Variants in SMPD3 observed in about 807,000 individuals in gnomAD.
The protein encoded by SMPD3 is nSMase-2.
In SMPD3, 21 loss-of-function variants were observed where a neutral mutation model predicts 55.7. That is an observed-to-expected ratio of 0.38 (90% CI 0.27 to 0.54). The LOEUF is 0.54. Ranked by LOEUF, SMPD3 falls within the 20% of genes least tolerant of loss-of-function variation. The probability of loss-of-function intolerance (pLI) is 0.80; values close to 1 mark genes in which losing one functional copy is unlikely to be tolerated. For missense variants in SMPD3, 842 were observed against 899.6 expected, an observed-to-expected ratio of 0.94 and a Z score of 0.82; for synonymous variants, 457 against 404.3, an observed-to-expected ratio of 1.13 and a Z score of -1.56.
chr16:68,389,784 A>G (rs968115124), intron 1 of SMPD3, among the ~76,000 whole-genome samples: 2 of 152,180 alleles, frequency 1.3e-5, no homozygotes, highest in African/African-American at 4.8e-5. Context: ...CCTTGGGGAA[A>G]AATCTTGACT....
intron 2 of SMPD3, among the ~76,000 whole-genome samples, chr16:68,383,589 C>T (rs186240224): frequency 6.6e-6 from 1 of 152,122 alleles, no homozygotes. Context: ...TCTCAGGGCC[C>T]TTGGAGGATC....
In SMPD3 at chr16:68,371,669, G is replaced by T. The variant is rs142905882; in HGVS notation, c.513C>A (p.Ile171=). ...GAARPQIKIY[I]DSPTNTSISA... Reference sequence around the variant, plus strand: ...TGATGGAGGTATTGGTGGGGGAGTCGATGTAAATTTTGATCTGGGGCCGGG... The same window carrying T: ...TGATGGAGGTATTGGTGGGGGAGTCTATGTAAATTTTGATCTGGGGCCGGG... Residue 171 remains isoleucine, a synonymous_variant, in exon 3 of 9, where the codon ATC becomes ATA. Coordinates refer to ENST00000219334, the MANE Select transcript of SMPD3 (RefSeq NM_018667.4). The T allele has an allele frequency of 1.1e-5, 17 of 1,567,208 alleles. No individual in the cohort carries two copies. Among genetic ancestry groups the T allele is most frequent in the Non-Finnish European group, 1.4e-5 (16 of 1,157,200 alleles).
In SMPD3 at chr16:68,447,424, TGGGCTAGGGCG is replaced by T. The variant is rs2090618968; in HGVS notation, c.-269+918_-269+928del. On this transcript the variant is annotated intron_variant, in intron 1 of 8. Transcript: ENST00000219334. This position sits in a 1 kb window ranked among gnomAD's most constrained non-coding sequence, Gnocchi z 5.1. ...CAGAGGCTCGGTCCCCGGGGCGTGG[TGGGCTAGGGCG>T]GGTCGTCTCGACTTAGAGCCCCAGG... is the stretch of plus-strand genomic sequence containing the variant. 6.6e-6 allele frequency among the ~76,000 whole-genome samples: 1 copy of T among 152,058 alleles called. No homozygotes were observed. The highest frequency in any genetic ancestry group is 6.5e-5 in the Admixed American group (1 of 15,282).
intron 1 of SMPD3, among the ~76,000 whole-genome samples, chr16:68,414,649 G>A (rs779340294): frequency 6.6e-6 from 1 of 152,258 alleles, no homozygotes; most frequent in Non-Finnish European, 1.5e-5. Context: ...AAGACTTGTA[G>A]GGGAAAGTGC....
chr16:68,443,474 T>C (rs2090584102), intron 1 of SMPD3, among the ~76,000 whole-genome samples: 2 of 152,252 alleles, frequency 1.3e-5, no homozygotes, highest in African/African-American at 4.8e-5. Context: ...ATGTGTACTC[T>C]TTGTCAAATA....
At chr16:68,377,665 G>A (rs2089851061) in intron 2 of SMPD3, among the ~76,000 whole-genome samples, 1 of 152,212 alleles carries the variant, frequency 6.6e-6, no homozygotes, top group African/African-American at 2.4e-5. Flanking sequence ...GGTCCTGTCT[G>A]GACAAGCCAT....
At chr16:68,414,671 T>C (rs2090326026) in intron 1 of SMPD3, among the ~76,000 whole-genome samples, 1 of 152,242 alleles carries the variant, frequency 6.6e-6, no homozygotes, top group Non-Finnish European at 1.5e-5. Flanking sequence ...GGCTCTTGGC[T>C]CTGGCCAACA....
In SMPD3 at chr16:68,361,074, C is replaced by T. The variant is rs556205572; in HGVS notation, c.*132G>A. 856 of 803,004 alleles carry T rather than the reference C, an allele frequency of 1.1e-3. 4 individuals are homozygous for T. Among genetic ancestry groups the T allele is most frequent in the Non-Finnish European group, 7.7e-4 (395 of 512,436 alleles). The allele number at this position is 803,004 out of a possible 1,614,324, so 49.7% of individuals were successfully genotyped here. A position where few individuals can be genotyped will look rare whatever the true frequency, so the allele number is the denominator to read the frequency against. On this transcript the variant is annotated 3_prime_UTR_variant, in exon 9 of 9. Coordinates refer to ENST00000219334, the MANE Select transcript of SMPD3 (RefSeq NM_018667.4). ...CAGAGCAGCGCAGCTTCCAGGTTCC[C>T]GGGCACTGACTGTGGCTCCCTCCCT... is the stretch of plus-strand genomic sequence containing the variant.
chr16:68,398,691 G>C (rs1271227997), intron 1 of SMPD3, among the ~76,000 whole-genome samples: 1 of 152,182 alleles, frequency 6.6e-6, no homozygotes, highest in Non-Finnish European at 1.5e-5. Flanking sequence ...GTTTGCATTA[G>C]TTACATTAAA....
At position 68,371,512 on chromosome 16, in the gene SMPD3, C is replaced by A. The variant is rs1367759729; in HGVS notation, c.670G>T (p.Ala224Ser). The change falls in exon 3 of 9, where the codon GCT (alanine) becomes TCT (serine). Residue 224 changes from alanine to serine, a missense_variant. By Grantham distance (99) the Ala-to-Ser change is moderately conservative. Around this residue, in one of 2 missense-constraint regions of SMPD3, gnomAD observed 649 missense variants for 643.6 expected, o/e 1.01. Coordinates refer to ENST00000219334, the MANE Select transcript of SMPD3 (RefSeq NM_018667.4). ...GDGGRHPGDEAANGPASGDPV... is the reference protein window; with the variant it reads ...GDGGRHPGDESANGPASGDPV... ...TCCCCAGAGGCTGGGCCGTTGGCAG[C>A]CTCGTCACCGGGGTGCCGCCCACCG... The A allele has an allele frequency of 6.3e-7, 1 of 1,599,380 alleles. No individual in the cohort carries two copies. The highest frequency in any genetic ancestry group is 1.3e-5 in the African/African-American group (1 of 74,846).
chr16:68,391,431 TTC>T lies in SMPD3; in HGVS notation c.-268-4774_-268-4773del, dbSNP rs748740182. ...AGACACACTTGGAAAGACTGTGCACTTCAGAGTCCAATCTAGGTTCAAATCTG... is the reference window on the plus strand; with the variant it reads ...AGACACACTTGGAAAGACTGTGCACTAGAGTCCAATCTAGGTTCAAATCTG... On this transcript the variant is annotated intron_variant, in intron 1 of 8. Transcript: ENST00000219334. Among the ~76,000 whole-genome samples the T allele has an allele frequency of 5.9e-5, 9 of 152,222 alleles. No individual in the cohort carries two copies. In the East Asian group the frequency reaches 1.5e-3, roughly 26 times the overall value.
In SMPD3 at chr16:68,371,719, C is replaced by A; in HGVS notation, c.463G>T (p.Gly155Trp). Reference sequence around the variant, plus strand: ...GCGGCCCCATTGCGGATTCTCTGCCCGATCTCCTTGGCCCGCGCTTGGGTG... The same window carrying A: ...GCGGCCCCATTGCGGATTCTCTGCCAGATCTCCTTGGCCCGCGCTTGGGTG... ...FNTQARAKEI[G>W]QRIRNGAARP... Residue 155 changes from glycine to tryptophan, a missense_variant, in exon 3 of 9, where the codon GGG becomes TGG. Around this residue, in one of 2 missense-constraint regions of SMPD3, gnomAD observed 193 missense variants for 256.0 expected, o/e 0.75. Coordinates refer to ENST00000219334, the MANE Select transcript of SMPD3 (RefSeq NM_018667.4). 1.3e-6 allele frequency: 2 copies of A among 1,592,680 alleles called. No homozygotes were observed. Among genetic ancestry groups the A allele is most frequent in the Non-Finnish European group, 8.6e-7 (1 of 1,167,794 alleles).
At position 68,371,336 on chromosome 16, in the gene SMPD3, A is replaced by G. The variant is rs2089660922; in HGVS notation, c.846T>C (p.His282=). ...GGGPRGQTPN[H]NQQDGDSGSL... is the part of the protein sequence containing the mutation. ...TCCCTGAATCCCCGTCCTGCTGATT[A>G]TGGTTGGGCGTCTGGCCCCTTGGGC... is the stretch of plus-strand genomic sequence containing the variant. The change falls in exon 3 of 9, where the codon CAT becomes CAC. Residue 282 remains histidine, a synonymous_variant. Transcript: ENST00000219334. 6.3e-7 allele frequency: 1 copy of G among 1,591,398 alleles called. No individual in the cohort carries two copies. The highest frequency in any genetic ancestry group is 8.5e-7 in the Non-Finnish European group (1 of 1,176,068).
At chr16:68,395,447 G>GT (rs1246842980) in intron 1 of SMPD3, among the ~76,000 whole-genome samples, 2 of 152,222 alleles carry the variant, frequency 1.3e-5, no homozygotes, top group Admixed American at 6.5e-5. Flanking sequence ...GAGTGAAATA[G>GT]TTTTTTTAAA....
intron 1 of SMPD3, among the ~76,000 whole-genome samples, chr16:68,422,947 C>A (rs1699829246): frequency 6.6e-6 from 1 of 152,158 alleles, no homozygotes. Flanking sequence ...ACAGCCCCAG[C>A]CTGATTTAGA....
At chr16:68,415,354 G>A (rs2090331336) in intron 1 of SMPD3, among the ~76,000 whole-genome samples, 1 of 152,142 alleles carries the variant, frequency 6.6e-6, no homozygotes, top group Non-Finnish European at 1.5e-5. Context: ...AGGCAGTAAG[G>A]GGATGCCTGA....
intron 1 of SMPD3, among the ~76,000 whole-genome samples, chr16:68,439,589 G>T (rs1324996802): frequency 6.6e-6 from 1 of 152,196 alleles, no homozygotes; most frequent in Admixed American, 6.5e-5. Context: ...AATCTGTGTT[G>T]CTCTCCTGCT....
chr16:68,386,440 G>A (rs1480310481), intron 2 of SMPD3, among the ~76,000 whole-genome samples, 158 bp downstream of exon 2: 1 of 152,188 alleles, frequency 6.6e-6, no homozygotes, highest in East Asian at 1.9e-4. Context: ...CCCCAGAGCT[G>A]TGGTTTTCAA....
chr16:68,374,115 C>A (rs1311202767), intron 2 of SMPD3, among the ~76,000 whole-genome samples: 1 of 152,246 alleles, frequency 6.6e-6, no homozygotes, highest in African/African-American at 2.4e-5. Context: ...ATAGGCTGCA[C>A]AGGGGCGCCC....
Sources: gnomAD v4.1 joint callset for allele counts (sites outside exome capture counted in the v4.1 genomes callset) on GRCh38, gnomAD v4.1.1 for gene constraint, gnomAD v4.1.1 regional missense constraint, Gnocchi (gnomAD v3.1) non-coding constraint, MANE v1.5 for transcripts, NCBI Gene and HGNC (gene_info 2026-07-23, HGNC 2026-07-21) for gene names.